Variants in ZNF28 observed in about 807,000 individuals in gnomAD.
The protein encoded by ZNF28 is zinc finger protein 28.
In ZNF28, 5 loss-of-function variants were observed where a neutral mutation model predicts 7.2. The ratio of observed to expected loss-of-function variants is 0.70; its 90% confidence interval spans 0.36 to 1.46. The LOEUF (loss-of-function observed/expected upper bound fraction) is 1.46. Among genes scored for constraint, ZNF28 ranks in the 40% most tolerant of loss-of-function variants. The pLI is 0.03. For synonymous variants in ZNF28, 288 were observed against 292.4 expected (o/e 0.99, Z 0.15); for missense variants, 879 against 866.6 (o/e 1.01, Z -0.18).
At chr19:52,808,629 CA>C (rs373465619) in intron 2 of ZNF28, among the ~76,000 whole-genome samples, 244 of 122,164 alleles carry the variant, frequency 2.0e-3, no homozygotes, top group African/African-American at 4.6e-3. Flanking sequence ...AACTCCATCT[CA>C]AAAAAAAAAA....
intron 2 of ZNF28, chr19:52,810,150 G>A (rs570862415): frequency 2.2e-6 from 2 of 918,552 alleles, no homozygotes; most frequent in East Asian, 2.4e-5. Flanking sequence ...CCCGGGGCTG[G>A]AAGCTATCGA....
At chr19:52,808,383 T>C (rs1448249476) in intron 2 of ZNF28, among the ~76,000 whole-genome samples, 2 of 152,188 alleles carry the variant, frequency 1.3e-5, no homozygotes, top group African/African-American at 2.4e-5. Context: ...ATTCCTGTTA[T>C]AAAAATGTTT....
At chr19:52,818,564 G>A (rs1472811699) in intron 1 of ZNF28, among the ~76,000 whole-genome samples, 1 of 152,020 alleles carries the variant, frequency 6.6e-6, no homozygotes, top group Non-Finnish European at 1.5e-5. Flanking sequence ...AATACAAAAA[G>A]TAGCCGGGCT....
In ZNF28 at chr19:52,803,956, CA is replaced by C. The variant is rs1414955684; in HGVS notation, c.143-2255del. ...TGGGCAACAGGATGAGACTCCATCT[CA>C]AAAAAATAAAATAAGATAAATAACT... On this transcript the variant is annotated intron_variant, in intron 3 of 3. Coordinates refer to ENST00000457749, the MANE Select transcript of ZNF28 (RefSeq NM_006969.5). Among the ~76,000 whole-genome samples the C allele has an allele frequency of 4.6e-5, 7 of 152,042 alleles. No homozygotes were observed. In the East Asian group the frequency reaches 1.4e-3, roughly 29 times the overall value.
At chr19:52,806,272 C>T (rs747168829) in intron 3 of ZNF28, among the ~76,000 whole-genome samples, 1 of 152,114 alleles carries the variant, frequency 6.6e-6, no homozygotes, top group Non-Finnish European at 1.5e-5. Flanking sequence ...CGGCTCACTG[C>T]AACCTCTGCC....
In ZNF28 at chr19:52,818,885, G is replaced by GAA. The variant is rs561203089; in HGVS notation, c.-73-856_-73-855dup. ...GAGGACAGAATGAGAGTCTGTTTGG[G>GAA]AAAAAAAAAAAAAAAAAAAGTGCAT... On this transcript the variant is annotated intron_variant, in intron 1 of 3. Coordinates refer to ENST00000457749, the MANE Select transcript of ZNF28 (RefSeq NM_006969.5). Among the ~76,000 whole-genome samples the GAA allele has an allele frequency of 2.4e-4, 28 of 114,324 alleles. No individual in the cohort carries two copies. In the East Asian group the frequency reaches 7.7e-3, roughly 32 times the overall value. 75.0% of individuals were successfully genotyped at this position (114,324 alleles called of 152,430 possible).
Position 52,800,920 on chromosome 19 carries a change from T to C in ZNF28, c.925A>G (p.Ser309Gly). ...YECEECDKVF[S>G]RKSHLETHKI... ...TGTGTTTCAAGGTGTGATTTGCGAC[T>C]GAAAACTTTGTCACATTCTTCACAT... The change falls in exon 4 of 4, where the codon AGT becomes GGT. Residue 309 changes from serine to glycine, a missense_variant. Ser to Gly is a moderately conservative substitution (Grantham distance 56). Transcript: ENST00000457749. 1.2e-6 allele frequency: 2 copies of C among 1,614,158 alleles called. No homozygotes were observed. Among genetic ancestry groups the C allele is most frequent in the East Asian group, 2.2e-5 (1 of 44,868 alleles).
chr19:52,812,906 C>T lies in ZNF28; in HGVS notation c.16-4773G>A, dbSNP rs2063073157. 2.6e-5 allele frequency among the ~76,000 whole-genome samples: 4 copies of T among 151,590 alleles called. No homozygotes were observed. In the South Asian group the frequency reaches 8.4e-4, roughly 32 times the overall value. ...AAGGCTACTTAAAAGGTCCCTATGT[C>T]CAAAGAATACCCTCTCTGCTCACTG... On this transcript the variant is annotated intron_variant, in intron 2 of 3. Transcript: ENST00000457749.
rs2063008388 is a variant in ZNF28, at chr19:52,810,627, C to G, written c.16-2494G>C. 18 of 1,425,340 alleles carry G rather than the reference C, an allele frequency of 1.3e-5. No homozygotes were observed. In the East Asian group the frequency reaches 1.8e-4, roughly 14 times the overall value. 88.3% of individuals were successfully genotyped at this position (1,425,340 alleles called of 1,614,324 possible). ...ACTACAGCAGTTCCTGCTCTCCATTCTACAGTGGTTTTAACAGCAGGCTCT... is the reference window on the plus strand; with the variant it reads ...ACTACAGCAGTTCCTGCTCTCCATTGTACAGTGGTTTTAACAGCAGGCTCT... On this transcript the variant is annotated intron_variant, in intron 2 of 3. Coordinates refer to ENST00000457749, the MANE Select transcript of ZNF28 (RefSeq NM_006969.5).
chr19:52,802,285 C>T (rs768782488), intron 3 of ZNF28, among the ~76,000 whole-genome samples: 4 of 152,142 alleles, frequency 2.6e-5, no homozygotes, highest in East Asian at 3.9e-4. Flanking sequence ...ACAAGAATTG[C>T]GTTAAGCCAA....
At position 52,821,170 on chromosome 19, in the gene ZNF28, G is replaced by C. The variant is rs551611637; in HGVS notation, c.-74+416C>G. Among the ~76,000 whole-genome samples the C allele has an allele frequency of 1.7e-4, 26 of 150,298 alleles. 1 individual carries two copies. Among genetic ancestry groups the C allele is most frequent in the Middle Eastern group, 3.4e-3 (1 of 290 alleles). ...ACGCCTTCGGACAAGGGTGGGATCC[G>C]CAGGATCCCAGGACCACAGAACGCA... On this transcript the variant is annotated intron_variant, in intron 1 of 3. Transcript: ENST00000457749.
At chr19:52,818,890 A>G (rs1458849584) in intron 1 of ZNF28, among the ~76,000 whole-genome samples, 7 of 31,252 alleles carry the variant, frequency 2.2e-4, no homozygotes, top group African/African-American at 4.7e-4. Flanking sequence ...TTTGGGAAAA[A>G]AAAAAAAAAA....
At position 52,810,581 on chromosome 19, in the gene ZNF28, C is replaced by T. The variant is rs141140020; in HGVS notation, c.16-2448G>A. On this transcript the variant is annotated intron_variant, in intron 2 of 3. Coordinates refer to ENST00000457749, the MANE Select transcript of ZNF28 (RefSeq NM_006969.5). ...AACAGACCGGGGTCTTCCACGAGCCCGCTACCGCGCCCGACCACCAACTAC... is the reference window on the plus strand; with the variant it reads ...AACAGACCGGGGTCTTCCACGAGCCTGCTACCGCGCCCGACCACCAACTAC... The T allele has an allele frequency of 1.7e-3, 2,752 of 1,588,878 alleles. 43 individuals carry two copies. In the African/African-American group the frequency reaches 0.03, roughly 17 times the overall value.
chr19:52,816,051 A>G (rs1349338657), intron 2 of ZNF28, among the ~76,000 whole-genome samples: 1 of 147,318 alleles, frequency 6.8e-6, no homozygotes, highest in African/African-American at 2.6e-5. Context: ...TCGCTCTGAC[A>G]GCTAACACAG....
At chr19:52,821,056 A>C (rs2063191114) in intron 1 of ZNF28, among the ~76,000 whole-genome samples, 1 of 152,040 alleles carries the variant, frequency 6.6e-6, no homozygotes, top group African/African-American at 2.4e-5. Flanking sequence ...CACCTCTCCA[A>C]CGCGGGCTCA....
At chr19:52,817,894 C>G (rs767370610) in intron 2 of ZNF28, 50 bp downstream of exon 2, 9 of 1,608,498 alleles carry the variant, frequency 5.6e-6, no homozygotes, top group Admixed American at 1.7e-5. Flanking sequence ...CAAGGCCCAG[C>G]GTTTCTGAAA....
In ZNF28 at chr19:52,797,497, T is replaced by C. The variant is rs1392163046; in HGVS notation, c.*2191A>G. Reference sequence around the variant, plus strand: ...TCAACCAAAATACAACTGGAACTAATAAACATATTCAGTGTATTTGCAGAA... The same window carrying C: ...TCAACCAAAATACAACTGGAACTAACAAACATATTCAGTGTATTTGCAGAA... On this transcript the variant is annotated 3_prime_UTR_variant, in exon 4 of 4. Coordinates refer to ENST00000457749, the MANE Select transcript of ZNF28 (RefSeq NM_006969.5). 6.6e-6 allele frequency: 1 copy of C among 152,226 alleles called. No homozygotes were observed. Among genetic ancestry groups the C allele is most frequent in the Non-Finnish European group, 1.5e-5 (1 of 68,040 alleles). The allele number at this position is 152,226 out of a possible 1,614,324, so 9.4% of individuals were successfully genotyped here. A position where few individuals can be genotyped will look rare whatever the true frequency, so the allele number is the denominator to read the frequency against.
intron 2 of ZNF28, among the ~76,000 whole-genome samples, chr19:52,813,474 G>T (rs1452750985): frequency 8.3e-6 from 1 of 121,098 alleles, no homozygotes; most frequent in South Asian, 3.2e-4. Flanking sequence ...CAGGGTAGGC[G>T]GGCGGGGGTG....
At chr19:52,811,672 G>A (rs2063043349) in intron 2 of ZNF28, among the ~76,000 whole-genome samples, 1 of 148,252 alleles carries the variant, frequency 6.7e-6, no homozygotes. Context: ...CCCCGTCTGA[G>A]AAGTGAGGAG....
Sources: gnomAD v4.1 joint callset for allele counts (sites outside exome capture counted in the v4.1 genomes callset) on GRCh38, gnomAD v4.1.1 for gene constraint, MANE v1.5 for transcripts, NCBI Gene and HGNC (gene_info 2026-07-23, HGNC 2026-07-21) for gene names.